The following COLEC11 variants were observed in gnomAD, a reference collection of about 807,000 sequenced individuals.
COLEC11 encodes the protein collectin subfamily member 11.
Under a neutral mutation model 27.3 loss-of-function variants are expected in COLEC11, and 20 were observed. The observed-to-expected ratio is 0.73, with a 90% CI of 0.51 to 1.06. The LOEUF is 1.06. Ranked by LOEUF, COLEC11 falls within the 50% of genes least tolerant of loss-of-function variation. The probability of loss-of-function intolerance (pLI) is 0.00; values close to 1 mark genes in which losing one functional copy is unlikely to be tolerated. For synonymous variants in COLEC11, 163 were observed against 154.7 expected (o/e 1.05, Z -0.40); for missense variants, 310 against 383.0 (o/e 0.81, Z 1.59).
chr2:3,599,465 C>T (rs1662072812), intron 1 of COLEC11, among the ~76,000 whole-genome samples: 1 of 152,204 alleles, frequency 6.6e-6, no homozygotes, highest in Non-Finnish European at 1.5e-5. Context: ...GGACTGGGAG[C>T]CCATGCATGT....
In COLEC11 at chr2:3,644,174, G is replaced by A. The variant is rs779069817; in HGVS notation, c.*56G>A. The stretch of plus-strand genomic sequence containing the variant: ...CCACATGTCCCTGCAGGGTTGGCAG[G>A]GACAGAGCCCAGACCATGGTGCCAG... On this transcript the variant is annotated 3_prime_UTR_variant, in exon 7 of 7. Transcript: ENST00000349077. The A allele has an allele frequency of 7.8e-5, 125 of 1,596,394 alleles. No individual in the cohort carries two copies. Among genetic ancestry groups the A allele is most frequent in the Non-Finnish European group, 1.0e-4 (120 of 1,177,576 alleles).
chr2:3,605,134 A>C (rs1405937075), intron 2 of COLEC11: 3 of 466,570 alleles, frequency 6.4e-6, no homozygotes, highest in Admixed American at 2.4e-5. Flanking sequence ...ACAGGTCCCC[A>C]AGCCTGGGGG....
intron 3 of COLEC11, among the ~76,000 whole-genome samples, chr2:3,619,300 G>A (rs1664011371): frequency 6.6e-6 from 1 of 151,388 alleles, no homozygotes; most frequent in Non-Finnish European, 1.5e-5. Flanking sequence ...AGGACTTCCA[G>A]CACTATATTG....
At chr2:3,634,982 C>G (rs1001447553) in intron 3 of COLEC11, among the ~76,000 whole-genome samples, 1 of 151,770 alleles carries the variant, frequency 6.6e-6, no homozygotes, top group Non-Finnish European at 1.5e-5. Context: ...TGGGTTCCTC[C>G]CCCAGCTCCT....
At chr2:3,606,060 T>A (rs1353306247) in intron 2 of COLEC11, 11 of 1,547,488 alleles carry the variant, frequency 7.1e-6, no homozygotes, top group Non-Finnish European at 9.6e-6. Context: ...CTCAGAAGTT[T>A]TGGTGAAAGT....
chr2:3,599,512 A>G (rs949431569), intron 1 of COLEC11, among the ~76,000 whole-genome samples: 3 of 152,210 alleles, frequency 2.0e-5, no homozygotes, highest in African/African-American at 7.2e-5. Context: ...TTTGGTGAGC[A>G]TTTGCTATGT....
Position 3,602,562 on chromosome 2 carries a change from G to A in COLEC11, c.-26-1753G>A, listed in dbSNP as rs544399093. Among the ~76,000 whole-genome samples the A allele has an allele frequency of 5.9e-5, 9 of 152,222 alleles. No individual in the cohort carries two copies. Among genetic ancestry groups the A allele is most frequent in the African/African-American group, 9.6e-5 (4 of 41,536 alleles). ...TGGGGTCCAGCTGCCATCCTCGCCC[G>A]CTGTGCTGTTGTGGTCACCCTGGCT... On this transcript the variant is annotated intron_variant, in intron 1 of 6. Coordinates refer to ENST00000349077, the MANE Select transcript of COLEC11 (RefSeq NM_024027.5). This position sits in a 1 kb window ranked among gnomAD's most constrained non-coding sequence, Gnocchi z 6.2.
chr2:3,603,686 G>A, intron 1 of COLEC11: 2 of 1,550,810 alleles, frequency 1.3e-6, no homozygotes, highest in Non-Finnish European at 1.7e-6. Flanking sequence ...GCCCCTCCTG[G>A]GATGGTCAGA....
intron 3 of COLEC11, among the ~76,000 whole-genome samples, chr2:3,632,921 C>T (rs546135248): frequency 5.9e-5 from 9 of 152,248 alleles, no homozygotes; most frequent in African/African-American, 7.2e-5. Flanking sequence ...TGAGGAGCGA[C>T]GTGTCAGAGG....
chr2:3,615,502 A>G (rs964266615), intron 3 of COLEC11, among the ~76,000 whole-genome samples: 2 of 152,264 alleles, frequency 1.3e-5, no homozygotes, highest in African/African-American at 4.8e-5. Flanking sequence ...AATTTTTCTT[A>G]GTACAGAACA....
chr2:3,641,196 A>C (rs1446894148), intron 5 of COLEC11: 1 of 1,299,956 alleles, frequency 7.7e-7, no homozygotes, highest in South Asian at 1.2e-5. Context: ...CCAGGGAGAA[A>C]AGAGAGGGGC....
At chr2:3,641,879 C>T (rs115725664) in intron 5 of COLEC11, among the ~76,000 whole-genome samples, 338 of 152,284 alleles carry the variant, frequency 2.2e-3, no homozygotes, top group South Asian at 7.9e-3. Context: ...AAAGCCCACC[C>T]GCACACCGCA....
At chr2:3,617,770 T>A in intron 3 of COLEC11, 1 of 1,004,014 alleles carries the variant, frequency 1.0e-6, no homozygotes, top group Non-Finnish European at 1.6e-6. Flanking sequence ...CGCTTTTGAT[T>A]TTTTCAAGGA....
At chr2:3,613,235 G>A in intron 2 of COLEC11, 76 bp from the exon 3 acceptor site, 3 of 1,489,734 alleles carry the variant, frequency 2.0e-6, no homozygotes, top group South Asian at 2.4e-5. Context: ...GCTTCTAACT[G>A]TTCTTCCTCC....
intron 2 of COLEC11, among the ~76,000 whole-genome samples, chr2:3,610,261 A>G (rs2147873703): frequency 6.6e-6 from 1 of 152,262 alleles, no homozygotes; most frequent in Admixed American, 6.5e-5. Flanking sequence ...GAGAGGTGAA[A>G]TTATTATGCA....
At chr2:3,606,001 T>C in intron 2 of COLEC11, 3 of 1,439,490 alleles carry the variant, frequency 2.1e-6, no homozygotes, top group South Asian at 1.4e-5. Context: ...CTTTAGAAAA[T>C]GTTTAATTAT....
Position 3,636,184 on chromosome 2 carries a change from G to A in COLEC11, c.203-1349G>A, listed in dbSNP as rs571668612. ...GTCCTTCCCGCCACCACCGCCGGGC[G>A]CAGTGGCTCACGCCGTAATCCCAGC... On this transcript the variant is annotated intron_variant, in intron 3 of 6. Coordinates refer to ENST00000349077, the MANE Select transcript of COLEC11 (RefSeq NM_024027.5). Among the ~76,000 whole-genome samples, 210 of 152,084 alleles carry A rather than the reference G, an allele frequency of 1.4e-3. 6 individuals carry two copies. In the South Asian group the frequency reaches 0.04, roughly 29 times the overall value.
chr2:3,597,369 T>A (rs888943157), intron 1 of COLEC11, among the ~76,000 whole-genome samples: 1 of 150,000 alleles, frequency 6.7e-6, no homozygotes, highest in Non-Finnish European at 1.5e-5. Flanking sequence ...AAATCCCACC[T>A]GGGCTGCTCC....
intron 4 of COLEC11, 89 bp downstream of exon 4, chr2:3,637,693 C>A: frequency 9.7e-7 from 1 of 1,028,862 alleles, no homozygotes; most frequent in Non-Finnish European, 1.5e-6. Context: ...CCTGAATTGT[C>A]TCGTCTGGTG....
Sources: gnomAD v4.1 joint callset for allele counts (sites outside exome capture counted in the v4.1 genomes callset) on GRCh38, gnomAD v4.1.1 for gene constraint, Gnocchi (gnomAD v3.1) non-coding constraint, MANE v1.5 for transcripts, NCBI Gene and HGNC (gene_info 2026-07-23, HGNC 2026-07-21) for gene names.